LAMA2: variants seen among roughly 807,000 people sequenced by gnomAD.
The protein encoded by LAMA2 is laminin subunit alpha-2.
In LAMA2, 269 loss-of-function variants were observed where a neutral mutation model predicts 364.8. The observed-to-expected ratio is 0.74, with a 90% CI of 0.67 to 0.82. LAMA2 has a LOEUF of 0.82. LAMA2 is among the 40% of genes least tolerant of loss of function. The pLI is 0.00. For missense variants in LAMA2, 3,807 were observed against 3,873.2 expected, an observed-to-expected ratio of 0.98 and a Z score of 0.45; for synonymous variants, 1,379 against 1,370.6, an observed-to-expected ratio of 1.01 and a Z score of -0.14.
chr6:129,044,420 A>G (rs1787324618), intron 1 of LAMA2, among the ~76,000 whole-genome samples: 1 of 152,100 alleles, frequency 6.6e-6, no homozygotes, highest in South Asian at 2.1e-4. Context: ...GAAAGCAAAT[A>G]TGGTATAAAC....
chr6:129,118,054 G>A (rs1330390232), intron 4 of LAMA2, among the ~76,000 whole-genome samples: 37 of 152,124 alleles, frequency 2.4e-4, no homozygotes, highest in Admixed American at 2.3e-3. Context: ...AACTTTGCTT[G>A]TCTTACCCAT....
intron 32 of LAMA2, among the ~76,000 whole-genome samples, chr6:129,365,558 T>C (rs1777719095): frequency 6.6e-6 from 1 of 152,130 alleles, no homozygotes; most frequent in Non-Finnish European, 1.5e-5. Flanking sequence ...AGACAGGGTT[T>C]CACCATGTTG....
chr6:128,907,050 A>G (rs1278236814), intron 1 of LAMA2, among the ~76,000 whole-genome samples: 1 of 149,042 alleles, frequency 6.7e-6, no homozygotes, highest in Non-Finnish European at 1.5e-5. Flanking sequence ...CTTGTAGTAT[A>G]GTTTGAAGTC....
At chr6:129,059,634 A>G (rs1440133271) in intron 2 of LAMA2, 150 bp from the exon 3 acceptor site, 2 of 637,628 alleles carry the variant, frequency 3.1e-6, no homozygotes, top group African/African-American at 3.7e-5. Context: ...TTCTGTTGAG[A>G]ATCTGAATTA....
Position 129,287,312 on chromosome 6 carries a change from A to G in LAMA2, c.2538-535A>G, listed in dbSNP as rs537105626. Among the ~76,000 whole-genome samples, 4 of 152,214 alleles carry G rather than the reference A, an allele frequency of 2.6e-5. No homozygotes were observed. The South Asian group carries it at 8.3e-4, about 32-fold the overall frequency. On this transcript the variant is annotated intron_variant, in intron 18 of 64. Coordinates refer to ENST00000421865, the MANE Select transcript of LAMA2 (RefSeq NM_000426.4). The stretch of plus-strand genomic sequence containing the variant: ...GCAAATACATACAAATAGATTATTA[A>G]TTCAGATATACCCACAGCTCCCATC...
chr6:129,035,196 A>G (rs79188813), intron 1 of LAMA2, among the ~76,000 whole-genome samples: 5,145 of 151,880 alleles, frequency 0.034, 259 homozygotes, highest in African/African-American at 0.11. Flanking sequence ...ATGACTTGGT[A>G]TCTCATTGTG....
intron 1 of LAMA2, among the ~76,000 whole-genome samples, chr6:129,004,339 C>T (rs1167104505): frequency 1.9e-5 from 1 of 52,210 alleles, no homozygotes; most frequent in East Asian, 2.6e-4. Context: ...ACCAGCATGG[C>T]ACATGTATAC....
Position 128,883,786 on chromosome 6 carries a change from TTA to T in LAMA2, c.112+444_112+445del, listed in dbSNP as rs142294175. ...GGGTAGCTGATGCATCAAAAAAAAA[TTA>T]TATATATATATATACACACACACAC... On this transcript the variant is annotated intron_variant, in intron 1 of 64. Coordinates refer to ENST00000421865, the MANE Select transcript of LAMA2 (RefSeq NM_000426.4). Among the ~76,000 whole-genome samples, 1,036 of 133,684 alleles carry T rather than the reference TTA, an allele frequency of 7.7e-3. 10 individuals are homozygous for T. Among genetic ancestry groups the T allele is most frequent in the African/African-American group, 0.02 (734 of 37,320 alleles). 87.7% of individuals were successfully genotyped at this position (133,684 alleles called of 152,430 possible). A position where few individuals can be genotyped will look rare whatever the true frequency, so the allele number is the denominator to read the frequency against.
At chr6:129,052,709 A>T (rs553410664) in intron 2 of LAMA2, among the ~76,000 whole-genome samples, 11 of 152,140 alleles carry the variant, frequency 7.2e-5, no homozygotes, top group African/African-American at 2.4e-4. Flanking sequence ...ACAAACTTAT[A>T]ATGATATATA....
chr6:129,134,571 G>A (rs1777675612), intron 4 of LAMA2, among the ~76,000 whole-genome samples: 1 of 152,176 alleles, frequency 6.6e-6, no homozygotes, highest in African/African-American at 2.4e-5. Context: ...GGGGAGTGGG[G>A]ATGGGTTTCC....
intron 1 of LAMA2, among the ~76,000 whole-genome samples, chr6:128,921,697 G>GTTTTTTTTTTT (rs547882651): frequency 5.1e-5 from 6 of 118,046 alleles, no homozygotes; most frequent in South Asian, 2.7e-4. Context: ...ATGAATGTCT[G>GTTTTTTTTTTT]TTTTTTTTTT....
rs190954226 is a variant in LAMA2, at chr6:129,209,723, G to A, written c.1782+16870G>A. ...TCTTTATTTAAAATGTTTATTATTGGCCGGGCGCGGTGGCTCACGCCTGTA... is the reference window on the plus strand; with the variant it reads ...TCTTTATTTAAAATGTTTATTATTGACCGGGCGCGGTGGCTCACGCCTGTA... On this transcript the variant is annotated intron_variant, in intron 12 of 64. Coordinates refer to ENST00000421865, the MANE Select transcript of LAMA2 (RefSeq NM_000426.4). Among the ~76,000 whole-genome samples the A allele has an allele frequency of 2.0e-5, 3 of 152,138 alleles. No individual in the cohort carries two copies. In the East Asian group the frequency reaches 5.8e-4, roughly 29 times the overall value.
chr6:129,058,206 A>G (rs1432252562), intron 2 of LAMA2, among the ~76,000 whole-genome samples: 1 of 152,214 alleles, frequency 6.6e-6, no homozygotes, highest in African/African-American at 2.4e-5. Flanking sequence ...ACCTTATATT[A>G]CTTGGAAAAT....
intron 4 of LAMA2, among the ~76,000 whole-genome samples, chr6:129,128,470 G>A (rs544830032): frequency 1.1e-4 from 16 of 152,188 alleles, no homozygotes; most frequent in African/African-American, 3.9e-4. Flanking sequence ...TGATGATTTT[G>A]ACTGTTCTTG....
At chr6:128,925,270 T>C (rs1276045292) in intron 1 of LAMA2, among the ~76,000 whole-genome samples, 1 of 152,216 alleles carries the variant, frequency 6.6e-6, no homozygotes, top group Non-Finnish European at 1.5e-5. Flanking sequence ...ACCTGGCTGT[T>C]GACAGACGAA....
At chr6:128,921,512 GATACAGAA>G (rs1480399018) in intron 1 of LAMA2, among the ~76,000 whole-genome samples, 1 of 152,082 alleles carries the variant, frequency 6.6e-6, no homozygotes, top group African/African-American at 2.4e-5. Flanking sequence ...GAGGGGAGGA[GATACAGAA>G]ATACAGGGAG....
At chr6:129,397,640 C>T (rs1779725938) in intron 37 of LAMA2, among the ~76,000 whole-genome samples, 1 of 151,918 alleles carries the variant, frequency 6.6e-6, no homozygotes, top group Admixed American at 6.6e-5. Flanking sequence ...AACAAGACAC[C>T]TCTAAAATTT....
At chr6:129,284,543 C>T (rs543656741) in intron 18 of LAMA2, among the ~76,000 whole-genome samples, 5 of 152,066 alleles carry the variant, frequency 3.3e-5, no homozygotes, top group African/African-American at 9.6e-5. Flanking sequence ...TTGGGAGAAA[C>T]CAGAGCTTTT....
At chr6:129,382,726 A>G (rs567436672) in intron 34 of LAMA2, among the ~76,000 whole-genome samples, 1 of 152,316 alleles carries the variant, frequency 6.6e-6, no homozygotes, top group East Asian at 1.9e-4. Context: ...CTCTCAAGAG[A>G]TCATTGCTGC....
Sources: gnomAD v4.1 joint callset for allele counts (sites outside exome capture counted in the v4.1 genomes callset) on GRCh38, gnomAD v4.1.1 for gene constraint, MANE v1.5 for transcripts, NCBI Gene and HGNC (gene_info 2026-07-23, HGNC 2026-07-21) for gene names.